The following INPP4B variants were observed in gnomAD, a reference collection of about 807,000 sequenced individuals.
The protein encoded by INPP4B is inositol polyphosphate-4-phosphatase type II B.
INPP4B carries 55 observed loss-of-function variants against 122.5 expected under a neutral mutation model. The observed-to-expected ratio is 0.45, with a 90% CI of 0.36 to 0.56. The LOEUF (loss-of-function observed/expected upper bound fraction) is 0.56, where lower values mean the gene tolerates loss of function less well. Among genes scored for constraint, INPP4B ranks in the 20% least tolerant of loss-of-function variants. The probability of loss-of-function intolerance (pLI) is 0.00; values close to 1 mark genes in which losing one functional copy is unlikely to be tolerated. For missense variants in INPP4B, 1,000 were observed against 1,097.7 expected (o/e 0.91, Z 1.26); for synonymous variants, 403 against 388.7 (o/e 1.04, Z -0.43).
chr4:142,171,326 T>C (rs1159303289), intron 16 of INPP4B, among the ~76,000 whole-genome samples: 2 of 151,828 alleles, frequency 1.3e-5, no homozygotes, highest in East Asian at 3.9e-4. Context: ...ATATGCTATA[T>C]GGATTAGTCC....
At chr4:142,589,322 C>T (rs1432994411) in intron 2 of INPP4B, among the ~76,000 whole-genome samples, 1 of 151,954 alleles carries the variant, frequency 6.6e-6, no homozygotes, top group East Asian at 1.9e-4. Flanking sequence ...TCAAAAACTT[C>T]CTCTGCAAAA....
Position 142,086,143 on chromosome 4 carries a change from C to G in INPP4B, c.2487+1G>C, listed in dbSNP as rs953928300. ...ATAAGATTTGACATGAGAGTGCTTA[C>G]CGTTGCAGCCAGCCACATAATTTCT... On this transcript the variant is annotated splice_donor_variant, in intron 24 of 25. Coordinates refer to ENST00000262992, the MANE Select transcript of INPP4B (RefSeq NM_001101669.3). LOFTEE classifies it high-confidence loss of function. 1.3e-6 allele frequency: 2 copies of G among 1,545,290 alleles called. No homozygotes were observed. Among genetic ancestry groups the G allele is most frequent in the African/African-American group, 2.7e-5 (2 of 73,426 alleles).
At chr4:142,392,439 C>A (rs1798018577) in intron 7 of INPP4B, among the ~76,000 whole-genome samples, 1 of 152,044 alleles carries the variant, frequency 6.6e-6, no homozygotes, top group Non-Finnish European at 1.5e-5. Flanking sequence ...ACATGGATAA[C>A]CTTATACTTT....
chr4:142,724,938 A>G (rs989184142), intron 2 of INPP4B, among the ~76,000 whole-genome samples: 2 of 152,108 alleles, frequency 1.3e-5, no homozygotes, highest in Non-Finnish European at 2.9e-5. Context: ...TAATATAAAA[A>G]TATATAATAC....
chr4:142,315,192 A>G (rs1010644885), intron 7 of INPP4B, among the ~76,000 whole-genome samples: 2 of 151,726 alleles, frequency 1.3e-5, no homozygotes, highest in East Asian at 3.9e-4. Flanking sequence ...ACAATATATT[A>G]CATGTATTGC....
chr4:142,573,677 G>T (rs1278535260), intron 2 of INPP4B, among the ~76,000 whole-genome samples: 1 of 152,040 alleles, frequency 6.6e-6, no homozygotes, highest in Non-Finnish European at 1.5e-5. Context: ...CAGTTGCGTG[G>T]TGGGAAATTA....
At chr4:142,832,200 C>T (rs1782229438) in intron 1 of INPP4B, among the ~76,000 whole-genome samples, 1 of 151,884 alleles carries the variant, frequency 6.6e-6, no homozygotes, top group Non-Finnish European at 1.5e-5. Flanking sequence ...TAAGTGTGCC[C>T]GACGCACATA....
chr4:142,498,679 T>C (rs1580217357), intron 2 of INPP4B, among the ~76,000 whole-genome samples: 1 of 151,970 alleles, frequency 6.6e-6, no homozygotes, highest in Admixed American at 6.6e-5. Context: ...TAGTAGCACC[T>C]ACTCGAGAGG....
At chr4:142,719,463 T>C (rs1361486045) in intron 2 of INPP4B, among the ~76,000 whole-genome samples, 1 of 151,998 alleles carries the variant, frequency 6.6e-6, no homozygotes, top group East Asian at 1.9e-4. Context: ...TAGCTAGGAC[T>C]ACAGGTGCCC....
In INPP4B at chr4:142,414,721, T is replaced by C. The variant is rs558524881; in HGVS notation, c.137-9397A>G. 9.9e-5 allele frequency among the ~76,000 whole-genome samples: 15 copies of C among 152,256 alleles called. No individual in the cohort carries two copies. In the East Asian group the frequency reaches 2.7e-3, roughly 28 times the overall value. Reference sequence around the variant, plus strand: ...CTCAAGCAATTGAAATAAAAACAAGTCTGTGCCCGCATCTTTTCTGGTTGT... The same window carrying C: ...CTCAAGCAATTGAAATAAAAACAAGCCTGTGCCCGCATCTTTTCTGGTTGT... On this transcript the variant is annotated intron_variant, in intron 5 of 25. Coordinates refer to ENST00000262992, the MANE Select transcript of INPP4B (RefSeq NM_001101669.3).
At chr4:142,513,955 T>G (rs1244307559) in intron 2 of INPP4B, among the ~76,000 whole-genome samples, 1 of 152,152 alleles carries the variant, frequency 6.6e-6, no homozygotes, top group Non-Finnish European at 1.5e-5. Flanking sequence ...AGATAGTGAT[T>G]CCTGTTTTGG....
chr4:142,738,444 C>A (rs1057227770), intron 1 of INPP4B, among the ~76,000 whole-genome samples: 1 of 152,054 alleles, frequency 6.6e-6, no homozygotes, highest in African/African-American at 2.4e-5. Context: ...GAACATCACA[C>A]ACTGGGGCCT....
chr4:142,665,550 G>C (rs971274617), intron 2 of INPP4B, among the ~76,000 whole-genome samples: 1 of 148,220 alleles, frequency 6.7e-6, no homozygotes, highest in Non-Finnish European at 1.5e-5. Flanking sequence ...TTATTCCAAA[G>C]AAATAATGAT....
intron 25 of INPP4B, chr4:142,030,157 G>T: frequency 6.5e-7 from 1 of 1,535,384 alleles, no homozygotes; most frequent in Non-Finnish European, 8.7e-7. Context: ...AGTAACGCCA[G>T]ACTTAAAATA....
chr4:142,248,451 C>T (rs1730161058), intron 11 of INPP4B, among the ~76,000 whole-genome samples: 1 of 150,924 alleles, frequency 6.6e-6, no homozygotes, highest in Non-Finnish European at 1.5e-5. Flanking sequence ...GATTCTCCTG[C>T]CTCAGCCTCC....
intron 2 of INPP4B, among the ~76,000 whole-genome samples, chr4:142,682,133 T>C (rs1161722795): frequency 6.6e-6 from 1 of 151,980 alleles, no homozygotes; most frequent in Non-Finnish European, 1.5e-5. Flanking sequence ...AATGTTATAA[T>C]GATGTGGAAA....
chr4:142,817,783 T>G (rs1780292623), intron 1 of INPP4B, among the ~76,000 whole-genome samples: 1 of 152,300 alleles, frequency 6.6e-6, no homozygotes, highest in Middle Eastern at 3.4e-3. Context: ...TGTGCAACTT[T>G]ATACTTCGGG....
intron 7 of INPP4B, among the ~76,000 whole-genome samples, chr4:142,364,839 C>T (rs577615413): frequency 2.0e-5 from 3 of 152,134 alleles, no homozygotes; most frequent in African/African-American, 7.2e-5. Context: ...CTAGTGAGCC[C>T]GGGAGGCAGC....
chr4:142,485,027 T>C (rs547908181), intron 2 of INPP4B, among the ~76,000 whole-genome samples: 1 of 152,226 alleles, frequency 6.6e-6, no homozygotes, highest in East Asian at 1.9e-4. Flanking sequence ...TGACCACTCA[T>C]CAGAGAATCC....
Sources: allele counts gnomAD v4.1 joint callset (sites outside exome capture counted in the v4.1 genomes callset), GRCh38; gene constraint gnomAD v4.1.1; transcripts MANE v1.5; gene names NCBI Gene and HGNC (gene_info 2026-07-23, HGNC 2026-07-21).